Variants in CCDC7 observed in about 807,000 individuals in gnomAD.
The protein encoded by CCDC7 is coiled-coil domain-containing protein 7.
A neutral mutation model predicts 196.9 loss-of-function variants in CCDC7; 183 were observed. The observed-to-expected ratio is 0.93, with a 90% CI of 0.82 to 1.05. The LOEUF is 1.05. CCDC7 is among the 50% of genes least tolerant of loss of function. The probability of loss-of-function intolerance (pLI) is 0.00; values close to 1 mark genes in which losing one functional copy is unlikely to be tolerated. For missense variants in CCDC7, 1,540 were observed against 1,482.2 expected (o/e 1.04, Z -0.64); for synonymous variants, 525 against 484.6 (o/e 1.08, Z -1.10).
intron 18 of CCDC7, among the ~76,000 whole-genome samples, chr10:32,610,914 T>A (rs114651951): frequency 0.015 from 2,326 of 152,338 alleles, 67 homozygotes; most frequent in African/African-American, 0.053. Context: ...GTAAAATAAC[T>A]TACAATCCTT....
At chr10:32,562,330 C>T (rs181452356) in intron 13 of CCDC7, among the ~76,000 whole-genome samples, 1,935 of 152,206 alleles carry the variant, frequency 0.013, 48 homozygotes, top group African/African-American at 0.045. Context: ...ATATCAAAGC[C>T]GGGCAGAGAC....
intron 20 of CCDC7, among the ~76,000 whole-genome samples, chr10:32,638,361 G>A (rs1433116556): frequency 1.3e-5 from 2 of 152,188 alleles, no homozygotes; most frequent in African/African-American, 4.8e-5. Context: ...GATATTGGCT[G>A]TGGGTTTGTC....
At chr10:32,847,727 G>A (rs987207306) in intron 37 of CCDC7, 106 bp from the exon 39 acceptor site, 5 of 681,532 alleles carry the variant, frequency 7.3e-6, no homozygotes, top group South Asian at 4.2e-5. Flanking sequence ...AAAAAAAAAA[G>A]GAAAAGAAAA....
At chr10:32,571,971 A>T in intron 16 of CCDC7, 78 bp downstream of exon 17, 2 of 1,320,302 alleles carry the variant, frequency 1.5e-6, no homozygotes, top group Non-Finnish European at 1.0e-6. Flanking sequence ...GAAAATAACC[A>T]TTCTAAATTT....
chr10:32,809,085 T>A (rs11527563), intron 30 of CCDC7, among the ~76,000 whole-genome samples: 13,495 of 152,162 alleles, frequency 0.089, 869 homozygotes, highest in East Asian at 0.33. Context: ...CAGGAAAAAG[T>A]TTTGCTCTGT....
chr10:32,692,846 G>A (rs2077245103), intron 23 of CCDC7, among the ~76,000 whole-genome samples: 1 of 152,182 alleles, frequency 6.6e-6, no homozygotes, highest in African/African-American at 2.4e-5. Context: ...GACTGTGTGA[G>A]TGGGCATGGG....
At chr10:32,650,556 G>T (rs1317151727) in intron 20 of CCDC7, among the ~76,000 whole-genome samples, 1 of 152,144 alleles carries the variant, frequency 6.6e-6, no homozygotes, top group African/African-American at 2.4e-5. Flanking sequence ...GGTCTGATGG[G>T]GAAACAGGCA....
chr10:32,622,102 A>T lies in CCDC7; in HGVS notation c.1802-12152A>T, dbSNP rs1180226399. 2.0e-5 allele frequency among the ~76,000 whole-genome samples: 3 copies of T among 152,144 alleles called. No homozygotes were observed. The East Asian group carries it at 5.8e-4, about 29-fold the overall frequency. ...TTTCTCTACGGAATTCAGTTTGCAA[A>T]TGTACTGTCTTCTGTGTGTACTTCA... On this transcript the variant is annotated intron_variant, in intron 18 of 41. Coordinates refer to ENST00000639629, the Ensembl canonical transcript of CCDC7.
intron 11 of CCDC7, among the ~76,000 whole-genome samples, chr10:32,538,556 T>A (rs1351788102): frequency 1.3e-5 from 2 of 152,222 alleles, no homozygotes; most frequent in Non-Finnish European, 2.9e-5. Flanking sequence ...ATCTTTGTCT[T>A]GTGCTGGTTT....
chr10:32,776,754 A>ATAAT (rs1467237095), intron 28 of CCDC7, among the ~76,000 whole-genome samples: 3 of 152,230 alleles, frequency 2.0e-5, no homozygotes, highest in African/African-American at 7.2e-5. Context: ...ATTCAATTGA[A>ATAAT]TAATTAGTAT....
At chr10:32,776,644 T>G (rs531362976) in intron 28 of CCDC7, among the ~76,000 whole-genome samples, 1 of 152,338 alleles carries the variant, frequency 6.6e-6, no homozygotes, top group South Asian at 2.1e-4. Context: ...TCTTCAATTA[T>G]TATAATGATT....
At chr10:32,517,221 A>G (rs1383534367) in intron 9 of CCDC7, among the ~76,000 whole-genome samples, 2 of 152,198 alleles carry the variant, frequency 1.3e-5, no homozygotes, top group South Asian at 2.1e-4. Flanking sequence ...CCTGCTATGG[A>G]ATAATCATTA....
At chr10:32,612,333 G>C (rs957744436) in intron 18 of CCDC7, among the ~76,000 whole-genome samples, 1 of 138,660 alleles carries the variant, frequency 7.2e-6, no homozygotes, top group Non-Finnish European at 1.6e-5. Flanking sequence ...AGACAATGGG[G>C]TTTTCTAAAT....
intron 21 of CCDC7, among the ~76,000 whole-genome samples, chr10:32,670,336 A>G (rs1174588596): frequency 1.3e-5 from 2 of 152,056 alleles, no homozygotes; most frequent in East Asian, 3.9e-4. Context: ...ATAGAAAACC[A>G]TTCTAAGTTG....
chr10:32,494,580 G>T (rs956859487), intron 9 of CCDC7, among the ~76,000 whole-genome samples: 13 of 152,060 alleles, frequency 8.5e-5, no homozygotes, highest in Non-Finnish European at 1.9e-4. Context: ...GGTGTGTGAT[G>T]TTCCCCTCCC....
At position 32,726,725 on chromosome 10, in the gene CCDC7, AT is replaced by A; in HGVS notation, c.2570-5del. On this transcript the variant is annotated splice_polypyrimidine_tract_variant and splice_region_variant and intron_variant, in intron 25 of 41. Coordinates refer to ENST00000639629, the Ensembl canonical transcript of CCDC7. ...CTAAATGTATCTCTTTATGTGGTTC[AT>A]TTTGTAGTACCAGATAAAAATTCTA... is the stretch of plus-strand genomic sequence containing the variant. 1 of 1,507,560 alleles carries A rather than the reference AT, an allele frequency of 6.6e-7. No homozygotes were observed. Among genetic ancestry groups the A allele is most frequent in the South Asian group, 1.2e-5 (1 of 86,688 alleles). 93.4% of individuals were successfully genotyped at this position (1,507,560 alleles called of 1,614,324 possible).
chr10:32,605,059 G>T (rs1459874296), intron 18 of CCDC7, among the ~76,000 whole-genome samples: 1 of 152,020 alleles, frequency 6.6e-6, no homozygotes, highest in Non-Finnish European at 1.5e-5. Context: ...TCATGGCTTG[G>T]TGCTATCCTC....
chr10:32,491,059 G>A (rs2042073743), intron 8 of CCDC7, among the ~76,000 whole-genome samples: 3 of 152,038 alleles, frequency 2.0e-5, no homozygotes, highest in Admixed American at 1.3e-4. Context: ...CCTTTGCTTA[G>A]GGTGTTTACT....
At chr10:32,719,300 G>A (rs1285578254) in intron 25 of CCDC7, among the ~76,000 whole-genome samples, 12 of 152,306 alleles carry the variant, frequency 7.9e-5, no homozygotes, top group Admixed American at 7.8e-4. Context: ...AATAAATGGT[G>A]TTGGGAAAAG....
Sources: gnomAD v4.1 joint callset for allele counts (sites outside exome capture counted in the v4.1 genomes callset) on GRCh38, gnomAD v4.1.1 for gene constraint, MANE v1.5 for transcripts, NCBI Gene and HGNC (gene_info 2026-07-23, HGNC 2026-07-21) for gene names.